The following TEK variants were observed in gnomAD, a reference collection of about 807,000 sequenced individuals.
The protein encoded by TEK is angiopoietin-1 receptor.
TEK carries 43 observed loss-of-function variants against 131.8 expected under a neutral mutation model. That is an observed-to-expected ratio of 0.33 (90% CI 0.26 to 0.42). The LOEUF (loss-of-function observed/expected upper bound fraction) is 0.42. TEK is among the 10% of genes least tolerant of loss of function. The probability of loss-of-function intolerance (pLI) is 1.00; values close to 1 mark genes in which losing one functional copy is unlikely to be tolerated. For synonymous variants in TEK, 580 were observed against 491.6 expected (o/e 1.18, Z -2.38); for missense variants, 1,162 against 1,384.4 (o/e 0.84, Z 2.55).
chr9:27,185,791 AT>A (rs1227642429), intron 9 of TEK, among the ~76,000 whole-genome samples, 162 bp downstream of exon 9: 2 of 152,214 alleles, frequency 1.3e-5, no homozygotes, highest in African/African-American at 4.8e-5. Context: ...GAGTGAAGAA[AT>A]TAAGAGTATG....
intron 2 of TEK, among the ~76,000 whole-genome samples, chr9:27,161,088 A>G (rs1823529262): frequency 6.6e-6 from 1 of 152,220 alleles, no homozygotes; most frequent in Non-Finnish European, 1.5e-5. Context: ...AAATAAGAAC[A>G]TGTAAAGCAA....
rs186803541 is a variant in TEK at position 27,131,936 on chromosome 9, C to T, written c.52+22294C>T. On this transcript the variant is annotated intron_variant, in intron 1 of 22. Transcript: ENST00000380036. ...CAAGGGTTAAAATGTTCCTTTCTAA[C>T]CATTTCGTACTGTGTTTAGATAGAA... 5.5e-3 allele frequency among the ~76,000 whole-genome samples: 837 copies of T among 152,090 alleles called. 6 individuals carry two copies. The highest frequency in any genetic ancestry group is 8.2e-3 in the Non-Finnish European group (556 of 68,004).
chr9:27,192,527 C>A lies in TEK; in HGVS notation c.1528C>A (p.Arg510=). The part of the protein sequence containing the change: ...EIVTLNYLEP[R]TEYELCVQLV... ...TGTTACACTCAACTATTTGGAACCT[C>A]GGACAGAATATGAACTCTGTGTGCA... Residue 510 remains arginine, a synonymous_variant, in exon 11 of 23, where the codon CGG becomes AGG. Transcript: ENST00000380036. The A allele has an allele frequency of 6.2e-7, 1 of 1,613,978 alleles. No individual in the cohort carries two copies. Among genetic ancestry groups the A allele is most frequent in the Non-Finnish European group, 8.5e-7 (1 of 1,179,956 alleles).
chr9:27,170,310 C>T (rs994934), intron 4 of TEK, among the ~76,000 whole-genome samples: 111,628 of 151,950 alleles, frequency 0.73, 41,279 homozygotes, highest in South Asian at 0.84. Flanking sequence ...CCATACCAGA[C>T]GGGGACACTA....
At chr9:27,119,677 C>A (rs1236975989) in intron 1 of TEK, among the ~76,000 whole-genome samples, 1 of 152,122 alleles carries the variant, frequency 6.6e-6, no homozygotes, top group Non-Finnish European at 1.5e-5. Flanking sequence ...GGCTCCCAAC[C>A]TTTTTCCTGC....
At chr9:27,146,791 G>A (rs1481919890) in intron 1 of TEK, among the ~76,000 whole-genome samples, 2 of 148,462 alleles carry the variant, frequency 1.3e-5, no homozygotes, top group Non-Finnish European at 3.0e-5. Flanking sequence ...GTGCAGTGGC[G>A]TGACCTCGGC....
intron 21 of TEK, among the ~76,000 whole-genome samples, chr9:27,226,513 T>G (rs1442719600): frequency 6.6e-6 from 1 of 151,782 alleles, no homozygotes; most frequent in East Asian, 1.9e-4. Context: ...TTCTCACTCA[T>G]AAGTTGGAGT....
intron 21 of TEK, among the ~76,000 whole-genome samples, chr9:27,221,970 T>G (rs1413677104): frequency 1.3e-5 from 2 of 152,096 alleles, no homozygotes. Flanking sequence ...TCTAACCCAA[T>G]GCAAGGAAGC....
chr9:27,213,259 C>A (rs2131229096), intron 17 of TEK, among the ~76,000 whole-genome samples: 1 of 152,196 alleles, frequency 6.6e-6, no homozygotes. Flanking sequence ...GATTTAACAA[C>A]CTGTGTTTTT....
chr9:27,155,304 A>G (rs1334219449), intron 1 of TEK, among the ~76,000 whole-genome samples: 1 of 152,162 alleles, frequency 6.6e-6, no homozygotes, highest in Non-Finnish European at 1.5e-5. Flanking sequence ...TTACTATCCT[A>G]ACTTGTATTC....
intron 1 of TEK, among the ~76,000 whole-genome samples, chr9:27,113,977 C>A (rs1322517941): frequency 1.3e-5 from 2 of 152,208 alleles, no homozygotes; most frequent in Non-Finnish European, 2.9e-5. Context: ...TCTGCAAACA[C>A]AATTCAACTC....
intron 1 of TEK, among the ~76,000 whole-genome samples, chr9:27,145,682 G>A (rs1223638589): frequency 4.6e-5 from 7 of 152,192 alleles, no homozygotes; most frequent in African/African-American, 1.7e-4. Context: ...CTGGGTTTAA[G>A]ATGTATTACT....
intron 1 of TEK, among the ~76,000 whole-genome samples, chr9:27,139,464 A>G (rs1212633418): frequency 4.0e-5 from 6 of 149,700 alleles, no homozygotes; most frequent in Non-Finnish European, 8.9e-5. Flanking sequence ...AGCTGGGATT[A>G]CAGGTGTGCA....
intron 1 of TEK, among the ~76,000 whole-genome samples, chr9:27,119,043 G>A (rs543717582): frequency 2.0e-5 from 3 of 152,150 alleles, no homozygotes; most frequent in Admixed American, 6.5e-5. Flanking sequence ...ACGCAGCCCT[G>A]CCTCTTTCAG....
At chr9:27,169,728 A>C in intron 4 of TEK, 99 bp downstream of exon 4, 1 of 1,532,170 alleles carries the variant, frequency 6.5e-7, no homozygotes, top group South Asian at 1.1e-5. Flanking sequence ...TTCTTAAGCA[A>C]AAACCAGGCA....
intron 7 of TEK, among the ~76,000 whole-genome samples, chr9:27,182,077 A>G (rs1824399363): frequency 1.3e-5 from 2 of 152,214 alleles, no homozygotes; most frequent in Admixed American, 6.5e-5. Flanking sequence ...AGGAAATGCC[A>G]TGGGGCTACT....
chr9:27,183,441 G>A lies in TEK; in HGVS notation c.1031-18G>A, dbSNP rs745854380. The A allele has an allele frequency of 1.9e-6, 3 of 1,613,070 alleles. No individual in the cohort carries two copies. The highest frequency in any genetic ancestry group is 1.7e-5 in the Admixed American group (1 of 59,984). On this transcript the variant is annotated intron_variant, in intron 7 of 22. Transcript: ENST00000380036. Reference sequence around the variant, plus strand: ...TCTGTTAAATATTAGATTTCACAGTGCTGTTTTCTTCCTTCAGGCATACAG... The same window carrying A: ...TCTGTTAAATATTAGATTTCACAGTACTGTTTTCTTCCTTCAGGCATACAG...
At chr9:27,153,234 G>C (rs887551677) in intron 1 of TEK, among the ~76,000 whole-genome samples, 51 of 152,108 alleles carry the variant, frequency 3.4e-4, no homozygotes, top group African/African-American at 1.2e-3. Context: ...GGATCACGAC[G>C]TCAGGAGTTC....
chr9:27,186,675 G>T (rs1422573296), intron 9 of TEK, among the ~76,000 whole-genome samples: 1 of 152,114 alleles, frequency 6.6e-6, no homozygotes, highest in South Asian at 2.1e-4. Flanking sequence ...GGACCATTTT[G>T]CTTTCTGAGT....
Sources: allele counts gnomAD v4.1 joint callset (sites outside exome capture counted in the v4.1 genomes callset), GRCh38; gene constraint gnomAD v4.1.1; transcripts MANE v1.5; gene names NCBI Gene and HGNC (gene_info 2026-07-23, HGNC 2026-07-21).